HYCC1: variants seen among roughly 807,000 people sequenced by gnomAD.
HYCC1 encodes the protein hyccin.
At chr7:22,957,538 G>T in the HYCC1 span, among the ~76,000 whole-genome samples, 1 of 151,904 alleles carries the variant, frequency 6.6e-6, no homozygotes, top group Non-Finnish European at 1.5e-5. Flanking sequence ...GAGGCAAGGA[G>T]AAAGAGGAAA....
chr7:23,002,110 G>T, the HYCC1 span, among the ~76,000 whole-genome samples: 1 of 139,468 alleles, frequency 7.2e-6, no homozygotes. Context: ...AATTAAAATT[G>T]TCAAGAAGAA....
At chr7:22,977,572 T>C in the HYCC1 span, 77 of 574,402 alleles carry the variant, frequency 1.3e-4, no homozygotes, top group East Asian at 2.0e-3. Flanking sequence ...AATCCATTAT[T>C]ATTCATCAAC....
chr7:22,909,210 G>A, the HYCC1 span, among the ~76,000 whole-genome samples: 2 of 152,152 alleles, frequency 1.3e-5, no homozygotes, highest in African/African-American at 4.8e-5. Context: ...CTCATGGCTT[G>A]GTGCTCTCCT....
the HYCC1 span, among the ~76,000 whole-genome samples, chr7:22,953,374 T>G: frequency 6.6e-6 from 1 of 151,882 alleles, no homozygotes; most frequent in African/African-American, 2.4e-5. Flanking sequence ...AATAATAACT[T>G]TCTTAACTAC....
chr7:23,013,759 T>C, the HYCC1 span, among the ~76,000 whole-genome samples: 3 of 151,378 alleles, frequency 2.0e-5, no homozygotes, highest in African/African-American at 4.8e-5. Context: ...CACCCACCCA[T>C]GGCGCCTCGC....
the HYCC1 span, among the ~76,000 whole-genome samples, chr7:22,986,682 G>A: frequency 6.6e-6 from 1 of 152,090 alleles, no homozygotes; most frequent in Non-Finnish European, 1.5e-5. Context: ...CCCGTCTTTA[G>A]TAAAAATACA....
the HYCC1 span, among the ~76,000 whole-genome samples, chr7:23,004,238 T>C: frequency 6.6e-6 from 1 of 152,242 alleles, no homozygotes; most frequent in African/African-American, 2.4e-5. Flanking sequence ...TCCTATAAGA[T>C]TGTTTAATCC....
At chr7:22,936,486 A>T in the HYCC1 span, 1 of 152,262 alleles carries the variant, frequency 6.6e-6, no homozygotes, top group African/African-American at 2.4e-5. Flanking sequence ...CATCTTGACC[A>T]TCTGATTATT....
chr7:22,940,245 T>TG, the HYCC1 span: 2 of 49,156 alleles, frequency 4.1e-5, no homozygotes, highest in Non-Finnish European at 3.9e-5. Context: ...TGTTTTTTTT[T>TG]TTTTTTTTTT....
chr7:22,968,631 C>T, the HYCC1 span, among the ~76,000 whole-genome samples: 3 of 152,236 alleles, frequency 2.0e-5, no homozygotes, highest in African/African-American at 4.8e-5. Context: ...GCTGTCACCC[C>T]CTTTGCTGGA....
chr7:23,004,840 G>A, the HYCC1 span, among the ~76,000 whole-genome samples: 2 of 152,194 alleles, frequency 1.3e-5, no homozygotes, highest in South Asian at 2.1e-4. Flanking sequence ...GAGTCTCACT[G>A]TGTCGCTCAG....
At chr7:22,947,058 A>G in the HYCC1 span, 3 of 1,550,382 alleles carry the variant, frequency 1.9e-6, no homozygotes, top group South Asian at 2.4e-5. Flanking sequence ...GATCTCTGGC[A>G]AGCCTTTGCT....
At chr7:22,994,882 G>A in the HYCC1 span, among the ~76,000 whole-genome samples, 1 of 152,016 alleles carries the variant, frequency 6.6e-6, no homozygotes, top group Admixed American at 6.6e-5. Flanking sequence ...TCACACACTA[G>A]TCATCATAAC....
the HYCC1 span, among the ~76,000 whole-genome samples, chr7:22,910,874 CA>C: frequency 0.65 from 96,186 of 148,320 alleles, 30,815 homozygotes; most frequent in Non-Finnish European, 0.67. Flanking sequence ...TATGTTCACT[CA>C]AAAAAAAAAA....
At chr7:22,896,929 C>T in the HYCC1 span, among the ~76,000 whole-genome samples, 1 of 152,198 alleles carries the variant, frequency 6.6e-6, no homozygotes, top group East Asian at 1.9e-4. Flanking sequence ...TATAAGCTCA[C>T]ATACATATGG....
At chr7:22,945,846 G>A in the HYCC1 span, 1 of 1,613,778 alleles carries the variant, frequency 6.2e-7, no homozygotes, top group Non-Finnish European at 8.5e-7. Context: ...TGGCTACTAG[G>A]CTTAGGTAGG....
At chr7:22,965,392 A>T in the HYCC1 span, among the ~76,000 whole-genome samples, 1 of 151,754 alleles carries the variant, frequency 6.6e-6, no homozygotes, top group South Asian at 2.1e-4. Flanking sequence ...TGCTACCTAA[A>T]CATGACACCA....
the HYCC1 span, among the ~76,000 whole-genome samples, chr7:22,903,170 T>C: frequency 1.3e-5 from 2 of 152,162 alleles, no homozygotes; most frequent in African/African-American, 4.8e-5. Flanking sequence ...CAGTGGTTTC[T>C]CAAAAGGTTG....
chr7:22,932,105 A>G, the HYCC1 span, among the ~76,000 whole-genome samples: 1 of 152,080 alleles, frequency 6.6e-6, no homozygotes, highest in Non-Finnish European at 1.5e-5. Flanking sequence ...TATGCGACTT[A>G]CAAATACAAT....
Sources: allele counts gnomAD v4.1 joint callset (sites outside exome capture counted in the v4.1 genomes callset), GRCh38; gene constraint gnomAD v4.1.1; transcripts MANE v1.5; gene names NCBI Gene and HGNC (gene_info 2026-07-23, HGNC 2026-07-21).